Variants in SPHKAP observed in about 807,000 individuals in gnomAD.
The protein encoded by SPHKAP is SPHK1 interactor, AKAP domain containing.
SPHKAP carries 67 observed loss-of-function variants against 137.5 expected under a neutral mutation model. The observed-to-expected ratio is 0.49, with a 90% confidence interval of 0.40 to 0.60. SPHKAP has a LOEUF of 0.60. Among genes scored for constraint, SPHKAP ranks in the 20% least tolerant of loss-of-function variants. The pLI is 0.00. For synonymous variants in SPHKAP, 813 were observed against 785.3 expected, an observed-to-expected ratio of 1.04 and a Z score of -0.59; for missense variants, 2,097 against 2,069.3, an observed-to-expected ratio of 1.01 and a Z score of -0.26.
intron 1 of SPHKAP, among the ~76,000 whole-genome samples, chr2:228,148,820 A>G (rs1452362509): frequency 6.6e-6 from 1 of 152,190 alleles, no homozygotes; most frequent in Admixed American, 6.5e-5. Flanking sequence ...GTAGGGGGAA[A>G]AAAAGAAACA....
At chr2:228,041,278 C>A (rs1001475850) in intron 3 of SPHKAP, among the ~76,000 whole-genome samples, 1 of 151,928 alleles carries the variant, frequency 6.6e-6, no homozygotes, top group Admixed American at 6.6e-5. Flanking sequence ...TAATTTTTTT[C>A]TCGGGGCTAA....
At position 228,145,155 on chromosome 2, in the gene SPHKAP, C is replaced by T. The variant is rs540863718; in HGVS notation, c.33-13070G>A. 5.8e-4 allele frequency among the ~76,000 whole-genome samples: 89 copies of T among 152,266 alleles called. 1 individual carries two copies. The South Asian group carries it at 0.018, about 31-fold the overall frequency. ...AACCAAGAGCCAAACCTCTTGGAGC[C>T]GGCTGGATAGTTTCTGACACAGTTT... On this transcript the variant is annotated intron_variant, in intron 1 of 11. Transcript: ENST00000392056.
intron 3 of SPHKAP, among the ~76,000 whole-genome samples, chr2:228,104,925 C>G (rs1485549612): frequency 6.6e-6 from 1 of 152,126 alleles, no homozygotes; most frequent in Non-Finnish European, 1.5e-5. Context: ...CATAAAAAAA[C>G]AGTGGAAGAT....
At chr2:228,137,285 C>G (rs527687141) in intron 1 of SPHKAP, among the ~76,000 whole-genome samples, 5 of 152,318 alleles carry the variant, frequency 3.3e-5, no homozygotes, top group Admixed American at 2.6e-4. Flanking sequence ...AGATGCCCAA[C>G]AAGCACTTAT....
At chr2:227,991,361 G>T (rs1042947689) in intron 9 of SPHKAP, 35 bp from the exon 10 acceptor site, 8 of 1,613,520 alleles carry the variant, frequency 5.0e-6, no homozygotes, top group Non-Finnish European at 6.8e-6. Flanking sequence ...GGTTGGTAAT[G>T]TTTAGAAGAA....
intron 1 of SPHKAP, among the ~76,000 whole-genome samples, chr2:228,149,341 A>G (rs548085372): frequency 1.3e-5 from 2 of 152,346 alleles, no homozygotes; most frequent in East Asian, 1.9e-4. Context: ...ATTATGAAAA[A>G]ATAAAATCAA....
chr2:228,119,471 A>ACACACACACACACACACACACACACACT (rs974795452), intron 2 of SPHKAP, among the ~76,000 whole-genome samples: 1 of 148,454 alleles, frequency 6.7e-6, no homozygotes. Context: ...ACACACACAC[A>ACACACACACACACACACACACACACACT]CTCTCTCTCT....
rs1198852312 is a variant in SPHKAP at position 228,131,995 on chromosome 2, G to C, written c.123C>G (p.Ile41Met). 6.2e-7 allele frequency: 1 copy of C among 1,613,904 alleles called. No homozygotes were observed. Residue 41 changes from isoleucine (I) to methionine (M), a missense_variant, in exon 2 of 12, where the codon ATC becomes ATG. Coordinates refer to ENST00000392056, the MANE Select transcript of SPHKAP (RefSeq NM_001142644.2). ...GCAAGGTTACCTTCTTACAGGCTGT[G>C]ATGGAGTTCCCCGGGCCGCTTCCTG... ...GSSGSGPGNS[I>M]TACKKVLRSN...
intron 3 of SPHKAP, among the ~76,000 whole-genome samples, chr2:228,042,006 A>C (rs746825857): frequency 3.3e-4 from 50 of 152,178 alleles, no homozygotes; most frequent in Non-Finnish European, 2.6e-4. Flanking sequence ...TTCCTGGAAA[A>C]GGGAGAAGAA....
In SPHKAP at chr2:228,108,776, C is replaced by T. The variant is rs1036174730; in HGVS notation, c.246+56G>A. On this transcript the variant is annotated intron_variant, in intron 3 of 11. Coordinates refer to ENST00000392056, the MANE Select transcript of SPHKAP (RefSeq NM_001142644.2). ...AAACTTTTGGTCCTAAACATGGGTA[C>T]ATGTGCCCGCTTCCCTGCTTTATCA... is the stretch of plus-strand genomic sequence containing the variant. 8.0e-6 allele frequency: 10 copies of T among 1,251,696 alleles called. No homozygotes were observed. In the African/African-American group the frequency reaches 1.4e-4, roughly 17 times the overall value. The allele number at this position is 1,251,696 out of a possible 1,614,324, so 77.5% of individuals were successfully genotyped here. A position where few individuals can be genotyped will look rare whatever the true frequency, so the allele number is the denominator to read the frequency against.
rs1316923941 is a variant in SPHKAP, at chr2:228,021,800, G to T, written c.608C>A (p.Thr203Lys). Reference protein sequence around the residue: ...ETNILKLEDDTNCSLSSIEED... With the variant: ...ETNILKLEDDKNCSLSSIEED... ...CTCGATTGAAGATAAGGAACAGTTC[G>T]TGTCATCCTCCAGTTTCAAGATGTT... The change falls in exon 6 of 12, where the codon ACG (threonine) becomes AAG (lysine). Residue 203 changes from threonine to lysine, a missense_variant. Thr to Lys is a moderately conservative substitution (Grantham distance 78). Coordinates refer to ENST00000392056, the MANE Select transcript of SPHKAP (RefSeq NM_001142644.2). 2 of 1,613,982 alleles carry T rather than the reference G, an allele frequency of 1.2e-6. No individual in the cohort carries two copies. The highest frequency in any genetic ancestry group is 1.7e-6 in the Non-Finnish European group (2 of 1,180,002).
chr2:228,024,102 ACTC>A (rs1464600816), intron 5 of SPHKAP, among the ~76,000 whole-genome samples: 1 of 151,600 alleles, frequency 6.6e-6, no homozygotes, highest in African/African-American at 2.4e-5. Context: ...TCTCTAATCT[ACTC>A]CTGGATTTTT....
At chr2:227,982,173 C>G (rs1693025606) in intron 11 of SPHKAP, 1 of 982,460 alleles carries the variant, frequency 1.0e-6, no homozygotes, top group African/African-American at 1.8e-5. Flanking sequence ...TTTCTTGGGT[C>G]TGCTTTTTTC....
chr2:228,019,372 A>T lies in SPHKAP; in HGVS notation c.1482T>A (p.Ser494Arg). The T allele has an allele frequency of 2.5e-6, 4 of 1,614,008 alleles. No individual in the cohort carries two copies. Among genetic ancestry groups the T allele is most frequent in the Non-Finnish European group, 3.4e-6 (4 of 1,179,992 alleles). The change falls in exon 7 of 12, where the codon AGT becomes AGA. Residue 494 changes from serine (S) to arginine (R), a missense_variant. Transcript: ENST00000392056. ...SGENSSRQPQSALEVALACAA... is the reference protein window; with the variant it reads ...SGENSSRQPQRALEVALACAA... ...CACAAGCTAACGCCACTTCTAGAGC[A>T]CTCTGGGGTTGTCTGCTGGAGTTCT...
chr2:228,124,834 T>C (rs967121707), intron 2 of SPHKAP, among the ~76,000 whole-genome samples: 1 of 152,186 alleles, frequency 6.6e-6, no homozygotes, highest in African/African-American at 2.4e-5. Context: ...ATTAATTACA[T>C]CTTATCAAAA....
intron 3 of SPHKAP, among the ~76,000 whole-genome samples, chr2:228,032,526 G>A (rs1695376497): frequency 6.6e-6 from 1 of 152,122 alleles, no homozygotes; most frequent in Non-Finnish European, 1.5e-5. Context: ...AGGAAATACA[G>A]AGAACGCCAC....
Position 228,025,446 on chromosome 2 carries a change from A to G in SPHKAP, c.389T>C (p.Val130Ala). The G allele has an allele frequency of 1.2e-6, 2 of 1,613,924 alleles. No homozygotes were observed. The highest frequency in any genetic ancestry group is 8.5e-7 in the Non-Finnish European group (1 of 1,179,926). ...ATTTCCAGAGGCTAACCCACTTAGG[A>G]CAACAATTTCATTTTCTTTTGGTTG... ...VQQPKENEIV[V>A]LSGLASGNLQ... The change falls in exon 5 of 12, where the codon GTC becomes GCC. Residue 130 changes from valine (V) to alanine (A), a missense_variant. Physicochemically the swap from Val to Ala is moderately conservative, Grantham distance 64. Coordinates refer to ENST00000392056, the MANE Select transcript of SPHKAP (RefSeq NM_001142644.2).
chr2:228,080,763 A>G (rs1192790215), intron 3 of SPHKAP, among the ~76,000 whole-genome samples: 1 of 48,696 alleles, frequency 2.1e-5, no homozygotes, highest in Non-Finnish European at 4.3e-5. Context: ...AAAATAAAAT[A>G]AAATAAAATA....
chr2:228,017,476 G>A lies in SPHKAP; in HGVS notation c.3378C>T (p.Thr1126=), dbSNP rs574254596. The A allele has an allele frequency of 9.9e-6, 16 of 1,613,702 alleles. No individual in the cohort carries two copies. Among genetic ancestry groups the A allele is most frequent in the Middle Eastern group, 1.6e-4 (1 of 6,062 alleles). ...TCACCATGAACCTGGAAAACTCATC[G>A]GTGATGCTCTCACAGCTCGACTGCT... ...VSKQSSCESI[T]DEFSRFMVNQ... is the part of the protein sequence containing the mutation. Residue 1126 remains threonine, a synonymous_variant, in exon 7 of 12, where the codon ACC becomes ACT. Coordinates refer to ENST00000392056, the MANE Select transcript of SPHKAP (RefSeq NM_001142644.2).
Sources: gnomAD v4.1 joint callset for allele counts (sites outside exome capture counted in the v4.1 genomes callset) on GRCh38, gnomAD v4.1.1 for gene constraint, MANE v1.5 for transcripts, NCBI Gene and HGNC (gene_info 2026-07-23, HGNC 2026-07-21) for gene names.